The following LHPP variants were observed in gnomAD, a reference collection of about 807,000 sequenced individuals.
LHPP encodes the protein phospholysine phosphohistidine inorganic pyrophosphate phosphatase.
A neutral mutation model predicts 30.3 loss-of-function variants in LHPP; 24 were observed. That is an observed-to-expected ratio of 0.79 (90% CI 0.57 to 1.11). LHPP has a LOEUF of 1.11. Ranked by LOEUF, LHPP falls within the 50% of genes most tolerant of loss-of-function variation. The pLI is 0.00. For missense variants in LHPP, 356 were observed against 367.2 expected, an observed-to-expected ratio of 0.97 and a Z score of 0.25; for synonymous variants, 150 against 157.1, an observed-to-expected ratio of 0.95 and a Z score of 0.34.
Position 124,498,046 on chromosome 10 carries a change from G to A in LHPP, c.542G>A (p.Gly181Asp). 6.2e-7 allele frequency: 1 copy of A among 1,614,000 alleles called. No homozygotes were observed. The highest frequency in any genetic ancestry group is 8.5e-7 in the Non-Finnish European group (1 of 1,179,860). Residue 181 changes from glycine to aspartate, a missense_variant, in exon 5 of 7, where the codon GGC becomes GAC. By Grantham distance (94) the Gly-to-Asp change is moderately conservative. Coordinates refer to ENST00000368842, the MANE Select transcript of LHPP (RefSeq NM_022126.4). ...PYMKALEYAC[G>D]IKAEVVGKPS... is the part of the protein sequence containing the mutation. ...TCTCTCTTTTCCCAGTATGCCTGTG[G>A]CATCAAAGCCGAGGTGGTGGGGAAG...
intron 6 of LHPP, 32 bp from the exon 7 acceptor site, chr10:124,613,232 G>A (rs1305745097): frequency 6.6e-7 from 1 of 1,526,638 alleles, no homozygotes; most frequent in South Asian, 1.1e-5. Context: ...TCAGCGTGGG[G>A]GCACTGACTA....
At chr10:124,552,325 A>C (rs1445681310) in intron 6 of LHPP, among the ~76,000 whole-genome samples, 1 of 152,158 alleles carries the variant, frequency 6.6e-6, no homozygotes, top group Non-Finnish European at 1.5e-5. Context: ...TAAGTGGCAG[A>C]GCAGGCCCTG....
intron 6 of LHPP, among the ~76,000 whole-genome samples, chr10:124,572,649 AGAAAG>A (rs1554894127): frequency 6.7e-6 from 1 of 149,806 alleles, no homozygotes; most frequent in Non-Finnish European, 1.5e-5. Flanking sequence ...AAAGAAAGTA[AGAAAG>A]GAAAGGAAAG....
At chr10:124,471,221 C>G (rs1361333902) in intron 1 of LHPP, among the ~76,000 whole-genome samples, 1 of 151,096 alleles carries the variant, frequency 6.6e-6, no homozygotes, top group Non-Finnish European at 1.5e-5. Flanking sequence ...CCTGCCCCAT[C>G]ACTCTTGAAT....
intron 3 of LHPP, among the ~76,000 whole-genome samples, chr10:124,494,661 T>A (rs12774601): frequency 0.41 from 62,425 of 151,904 alleles, 12,937 homozygotes; most frequent in South Asian, 0.53. Context: ...TCCAAGGTGC[T>A]CCCTGGACCC....
At chr10:124,515,445 T>G (rs762518726) in intron 5 of LHPP, among the ~76,000 whole-genome samples, 2 of 152,230 alleles carry the variant, frequency 1.3e-5, no homozygotes, top group Non-Finnish European at 2.9e-5. Flanking sequence ...CTCACCTCTC[T>G]GTCAGTTCTG....
At chr10:124,560,849 C>T (rs1948384266) in intron 6 of LHPP, among the ~76,000 whole-genome samples, 1 of 152,008 alleles carries the variant, frequency 6.6e-6, no homozygotes, top group Non-Finnish European at 1.5e-5. Flanking sequence ...ACCCTGGCTG[C>T]AAGAGGAGAA....
intron 1 of LHPP, among the ~76,000 whole-genome samples, chr10:124,468,823 C>T (rs1002650197): frequency 1.3e-5 from 2 of 152,180 alleles, no homozygotes; most frequent in Non-Finnish European, 2.9e-5. Context: ...CCTCAGGGCC[C>T]GGGAAGCTCC....
rs902568527 is a variant in LHPP, at chr10:124,523,121, C to T, written c.716+5850C>T. ...CCTGGTGCTGCTGTGTAAATAAAGC[C>T]GCGATGCGGAGCTCGCCTCTGGTCT... On this transcript the variant is annotated intron_variant, in intron 6 of 6. Coordinates refer to ENST00000368842, the MANE Select transcript of LHPP (RefSeq NM_022126.4). This position sits in a 1 kb window ranked among gnomAD's most constrained non-coding sequence, Gnocchi z 4.2. Among the ~76,000 whole-genome samples the T allele has an allele frequency of 1.3e-5, 2 of 152,238 alleles. No homozygotes were observed. Among genetic ancestry groups the T allele is most frequent in the Non-Finnish European group, 2.9e-5 (2 of 68,050 alleles).
chr10:124,560,877 G>A (rs1365588573), intron 6 of LHPP, among the ~76,000 whole-genome samples: 2 of 152,224 alleles, frequency 1.3e-5, no homozygotes, highest in Non-Finnish European at 2.9e-5. Context: ...ACCGTGAAGA[G>A]CATTTTAGAG....
At chr10:124,557,367 A>G (rs530160928) in intron 6 of LHPP, among the ~76,000 whole-genome samples, 1 of 152,318 alleles carries the variant, frequency 6.6e-6, no homozygotes, top group South Asian at 2.1e-4. Context: ...TGCTCACCAA[A>G]TGCCTGTTGC....
chr10:124,565,141 C>T (rs929716701), intron 6 of LHPP, among the ~76,000 whole-genome samples: 6 of 152,150 alleles, frequency 3.9e-5, no homozygotes, highest in African/African-American at 1.4e-4. Flanking sequence ...CTGAGGTACT[C>T]AAGGGGCTTC....
At chr10:124,485,129 G>A (rs1278109565) in intron 2 of LHPP, among the ~76,000 whole-genome samples, 22 of 152,030 alleles carry the variant, frequency 1.4e-4, no homozygotes, top group Non-Finnish European at 4.4e-5. Context: ...TCCCTGGAAA[G>A]CCTAGATGTC....
chr10:124,562,122 A>G (rs536910393), intron 6 of LHPP, among the ~76,000 whole-genome samples: 1 of 152,216 alleles, frequency 6.6e-6, no homozygotes, highest in African/African-American at 2.4e-5. Flanking sequence ...GACCTGGGCA[A>G]CACAGGGAGA....
At chr10:124,530,105 G>A (rs900755737) in intron 6 of LHPP, among the ~76,000 whole-genome samples, 2 of 152,244 alleles carry the variant, frequency 1.3e-5, no homozygotes, top group Admixed American at 6.5e-5. Flanking sequence ...GAGGAACCTG[G>A]TGAAGCCAGG....
At chr10:124,594,410 T>C (rs916766631) in intron 6 of LHPP, among the ~76,000 whole-genome samples, 3 of 151,758 alleles carry the variant, frequency 2.0e-5, no homozygotes, top group Non-Finnish European at 4.4e-5. Context: ...TAGACAGTTG[T>C]TCATTTCCTC....
rs372122309 is a variant in LHPP, at chr10:124,517,219, G to A, written c.664G>A (p.Gly222Ser). 8 of 1,606,184 alleles carry A rather than the reference G, an allele frequency of 5.0e-6. No homozygotes were observed. Among genetic ancestry groups the A allele is most frequent in the East Asian group, 4.5e-5 (2 of 44,248 alleles). ...IGDDIVGDVG[G>S]AQRCGMRALQ... Reference sequence around the variant, plus strand: ...GGACGATATCGTGGGCGACGTCGGCGGTGCCCAGCGGTGTGGAATGAGAGC... The same window carrying A: ...GGACGATATCGTGGGCGACGTCGGCAGTGCCCAGCGGTGTGGAATGAGAGC... Residue 222 changes from glycine to serine, a missense_variant, in exon 6 of 7, where the codon GGT (glycine) becomes AGT (serine). Physicochemically the swap from Gly to Ser is moderately conservative, Grantham distance 56. Transcript: ENST00000368842. The surrounding 1 kb of genome is among the most constrained non-coding windows in gnomAD (Gnocchi z 4.1).
At chr10:124,582,035 G>A (rs1218988399) in intron 6 of LHPP, among the ~76,000 whole-genome samples, 1 of 151,868 alleles carries the variant, frequency 6.6e-6, no homozygotes, top group African/African-American at 2.4e-5. Context: ...ACCCACCTTG[G>A]CCTCCCAAAG....
intron 6 of LHPP, among the ~76,000 whole-genome samples, chr10:124,546,413 G>T (rs1640374162): frequency 6.6e-6 from 1 of 152,084 alleles, no homozygotes; most frequent in African/African-American, 2.4e-5. Context: ...TTGTTTGTTT[G>T]TTTTTTTGAG....
Sources: gnomAD v4.1 joint callset for allele counts (sites outside exome capture counted in the v4.1 genomes callset) on GRCh38, gnomAD v4.1.1 for gene constraint, Gnocchi (gnomAD v3.1) non-coding constraint, MANE v1.5 for transcripts, NCBI Gene and HGNC (gene_info 2026-07-23, HGNC 2026-07-21) for gene names.